The following CDH18 variants were observed in gnomAD, a reference collection of about 807,000 sequenced individuals.
CDH18 encodes the protein cadherin 18.
In CDH18, 31 loss-of-function variants were observed where a neutral mutation model predicts 67.9. The ratio of observed to expected loss-of-function variants is 0.46; its 90% confidence interval spans 0.34 to 0.62. CDH18 has a LOEUF of 0.62. Ranked by LOEUF, CDH18 falls within the 20% of genes least tolerant of loss-of-function variation. The probability of loss-of-function intolerance (pLI) is 0.01; values close to 1 mark genes in which losing one functional copy is unlikely to be tolerated. For missense variants in CDH18, 890 were observed against 975.5 expected (o/e 0.91, Z 1.17); for synonymous variants, 362 against 347.2 (o/e 1.04, Z -0.48).
chr5:19,476,102 T>C lies in CDH18; in HGVS notation c.1883-2386A>G, dbSNP rs1445777722. Among the ~76,000 whole-genome samples the C allele has an allele frequency of 3.3e-5, 5 of 151,826 alleles. No homozygotes were observed. In the East Asian group the frequency reaches 7.8e-4, roughly 24 times the overall value. On this transcript the variant is annotated intron_variant, in intron 12 of 12. Coordinates refer to ENST00000382275, the MANE Select transcript of CDH18 (RefSeq NM_004934.5). ...GGGATGGTCACTGTGCACTGGGAGGTACCCAGTTTTGCAGAGGAAAGGCAA... is the reference window on the plus strand; with the variant it reads ...GGGATGGTCACTGTGCACTGGGAGGCACCCAGTTTTGCAGAGGAAAGGCAA...
chr5:20,054,280 G>C (rs1741710447), intron 2 of CDH18, among the ~76,000 whole-genome samples: 1 of 152,146 alleles, frequency 6.6e-6, no homozygotes, highest in Admixed American at 6.6e-5. Flanking sequence ...ATGGAAGAAT[G>C]AAAGTACTTG....
intron 1 of CDH18, among the ~76,000 whole-genome samples, chr5:20,258,736 T>C (rs1744427128): frequency 6.6e-6 from 1 of 152,126 alleles, no homozygotes; most frequent in Non-Finnish European, 1.5e-5. Flanking sequence ...ATGTTCAGTA[T>C]CATTAAATCA....
chr5:19,862,953 G>A (rs1409853402), intron 2 of CDH18, among the ~76,000 whole-genome samples: 1 of 152,168 alleles, frequency 6.6e-6, no homozygotes. Flanking sequence ...CACCAGGGTT[G>A]GTTGGTCACA....
In CDH18 at chr5:19,723,836, C is replaced by G. The variant is rs1766447386; in HGVS notation, c.524-2370G>C. 5.9e-5 allele frequency among the ~76,000 whole-genome samples: 9 copies of G among 152,068 alleles called. No individual in the cohort carries two copies. The South Asian group carries it at 1.9e-3, about 32-fold the overall frequency. ...TCAGGCAATTCTCCTGTCTCAGCCT[C>G]CTGCATAGCTGGGATTACAGGTACC... On this transcript the variant is annotated intron_variant, in intron 4 of 12. Coordinates refer to ENST00000382275, the MANE Select transcript of CDH18 (RefSeq NM_004934.5).
At chr5:19,617,087 G>C (rs952263487) in intron 5 of CDH18, among the ~76,000 whole-genome samples, 1 of 152,148 alleles carries the variant, frequency 6.6e-6, no homozygotes, top group Admixed American at 6.5e-5. Context: ...AGTTTGATTT[G>C]TGTGCAAGTG....
chr5:19,846,192 T>C (rs965217141), intron 2 of CDH18, among the ~76,000 whole-genome samples: 1 of 152,050 alleles, frequency 6.6e-6, no homozygotes, highest in African/African-American at 2.4e-5. Context: ...TCATTTTTTG[T>C]GCATACAATG....
chr5:19,972,038 A>G (rs377208449), intron 2 of CDH18, among the ~76,000 whole-genome samples: 11 of 152,006 alleles, frequency 7.2e-5, no homozygotes, highest in African/African-American at 2.7e-4. Flanking sequence ...GTTGTCAATA[A>G]CTGTATTTGT....
intron 1 of CDH18, among the ~76,000 whole-genome samples, chr5:20,366,327 C>A (rs1321571384): frequency 1.3e-5 from 2 of 152,182 alleles, no homozygotes; most frequent in African/African-American, 4.8e-5. Context: ...GCTGATTCAA[C>A]CTCCTGAGTA....
At chr5:20,191,393 C>T (rs370784107) in intron 2 of CDH18, among the ~76,000 whole-genome samples, 8 of 151,622 alleles carry the variant, frequency 5.3e-5, no homozygotes, top group East Asian at 3.9e-4. Flanking sequence ...TCATTTTTTC[C>T]TCCTTTATTT....
intron 2 of CDH18, among the ~76,000 whole-genome samples, chr5:19,870,605 A>G (rs1786153489): frequency 6.6e-6 from 1 of 152,102 alleles, no homozygotes; most frequent in Non-Finnish European, 1.5e-5. Flanking sequence ...ACCTCCCCTG[A>G]GCAAGTTTAT....
intron 1 of CDH18, among the ~76,000 whole-genome samples, chr5:20,270,291 T>C (rs1745341218): frequency 1.3e-5 from 2 of 152,136 alleles, no homozygotes; most frequent in African/African-American, 2.4e-5. Context: ...CAATATTTTA[T>C]GATATAGAAT....
At chr5:20,019,948 A>G (rs1428143887) in intron 2 of CDH18, among the ~76,000 whole-genome samples, 1 of 152,216 alleles carries the variant, frequency 6.6e-6, no homozygotes, top group Non-Finnish European at 1.5e-5. Context: ...ATTGATGTGG[A>G]CAATGAAGTC....
intron 3 of CDH18, among the ~76,000 whole-genome samples, chr5:19,802,725 G>T (rs1180420169): frequency 6.6e-6 from 1 of 152,180 alleles, no homozygotes; most frequent in African/African-American, 2.4e-5. Flanking sequence ...TACTTAAGCT[G>T]CCAGATCACT....
rs185528762 is a variant in CDH18 at position 20,296,486 on chromosome 5, C to T, written c.-579-40981G>A. On this transcript the variant is annotated intron_variant, in intron 1 of 14. Coordinates refer to the CDH18 transcript ENST00000507958. ...CCGTGTTAGCCAGGGTGGTCTCGAT[C>T]TCCTGACCTCGTGATCTGCCCGCTT... 3.0e-3 allele frequency among the ~76,000 whole-genome samples: 454 copies of T among 152,054 alleles called. 5 individuals are homozygous for T. Among genetic ancestry groups the T allele is most frequent in the African/African-American group, 0.011 (441 of 41,506 alleles).
At chr5:20,280,133 G>A (rs993646372) in intron 1 of CDH18, among the ~76,000 whole-genome samples, 1 of 151,674 alleles carries the variant, frequency 6.6e-6, no homozygotes, top group African/African-American at 2.4e-5. Flanking sequence ...AAATATGTAT[G>A]ACATTTCTTT....
At chr5:20,012,644 C>T (rs542404722) in intron 2 of CDH18, among the ~76,000 whole-genome samples, 2 of 152,032 alleles carry the variant, frequency 1.3e-5, no homozygotes, top group African/African-American at 2.4e-5. Context: ...AATGGAAAAA[C>T]ATTCCATGAT....
intron 3 of CDH18, among the ~76,000 whole-genome samples, chr5:19,770,672 A>G (rs941583924): frequency 1.3e-4 from 20 of 152,164 alleles, no homozygotes; most frequent in Non-Finnish European, 2.9e-5. Flanking sequence ...AAAAGTCCAC[A>G]GAGTGTAGTC....
At chr5:19,488,454 T>C (rs1375471745) in intron 11 of CDH18, among the ~76,000 whole-genome samples, 1 of 152,062 alleles carries the variant, frequency 6.6e-6, no homozygotes, top group African/African-American at 2.4e-5. Context: ...TGTGGATCTC[T>C]AATTAGACCA....
chr5:19,525,238 TG>T (rs1747577169), intron 9 of CDH18, among the ~76,000 whole-genome samples: 1 of 152,198 alleles, frequency 6.6e-6, no homozygotes, highest in Non-Finnish European at 1.5e-5. Context: ...AGCTTTCCCC[TG>T]GGACTGGAAT....
Sources: gnomAD v4.1 joint callset for allele counts (sites outside exome capture counted in the v4.1 genomes callset) on GRCh38, gnomAD v4.1.1 for gene constraint, MANE v1.5 for transcripts, NCBI Gene and HGNC (gene_info 2026-07-23, HGNC 2026-07-21) for gene names.